The following COX7B2 variants were observed in gnomAD, a reference collection of about 807,000 sequenced individuals.
COX7B2 encodes cytochrome c oxidase subunit 7B2, mitochondrial.
For synonymous variants in COX7B2, 37 were observed against 32.1 expected, an observed-to-expected ratio of 1.15 and a Z score of -0.51; for missense variants, 109 against 95.9, an observed-to-expected ratio of 1.14 and a Z score of -0.57.
chr4:46,788,596 A>G (rs980568462), intron 2 of COX7B2, among the ~76,000 whole-genome samples: 1 of 152,212 alleles, frequency 6.6e-6, no homozygotes, highest in Non-Finnish European at 1.5e-5. Context: ...TGGTTTCACT[A>G]CAATTGATAA....
chr4:46,752,719 A>T (rs1715472989), intron 2 of COX7B2, among the ~76,000 whole-genome samples: 1 of 152,102 alleles, frequency 6.6e-6, no homozygotes, highest in Non-Finnish European at 1.5e-5. Context: ...GCTGGATTAC[A>T]ATTATTGATT....
intron 1 of COX7B2, among the ~76,000 whole-genome samples, chr4:46,891,759 A>T (rs930684583): frequency 6.6e-6 from 1 of 152,180 alleles, no homozygotes; most frequent in African/African-American, 2.4e-5. Flanking sequence ...CGGAAGATTC[A>T]GGAAAAGCTG....
intron 2 of COX7B2, among the ~76,000 whole-genome samples, chr4:46,796,255 G>A (rs1249494974): frequency 1.3e-5 from 2 of 148,562 alleles, no homozygotes; most frequent in Admixed American, 6.7e-5. Context: ...GGAGCGGTGA[G>A]AGAGGGCATC....
At chr4:46,877,932 T>G (rs1718447177) in intron 1 of COX7B2, among the ~76,000 whole-genome samples, 1 of 152,090 alleles carries the variant, frequency 6.6e-6, no homozygotes, top group Admixed American at 6.6e-5. Flanking sequence ...TGTACTCTCA[T>G]GTTCACTGCA....
intron 2 of COX7B2, among the ~76,000 whole-genome samples, chr4:46,787,461 TA>T (rs199964552): frequency 1.4e-4 from 21 of 146,612 alleles, no homozygotes; most frequent in East Asian, 4.0e-4. Context: ...TAAAAAAAAA[TA>T]AAAAAAAAAG....
chr4:46,817,266 C>G (rs1220654109), intron 2 of COX7B2, among the ~76,000 whole-genome samples: 1 of 152,148 alleles, frequency 6.6e-6, no homozygotes, highest in Non-Finnish European at 1.5e-5. Context: ...AGGCCCTCTG[C>G]TAAGTTATTT....
chr4:46,768,847 G>C (rs1349561183), intron 2 of COX7B2, among the ~76,000 whole-genome samples: 1 of 151,922 alleles, frequency 6.6e-6, no homozygotes, highest in Non-Finnish European at 1.5e-5. Context: ...ACTAAAAAGA[G>C]ACTCAAAATT....
At chr4:46,817,891 T>A (rs767486288) in intron 2 of COX7B2, among the ~76,000 whole-genome samples, 1 of 152,202 alleles carries the variant, frequency 6.6e-6, no homozygotes, top group African/African-American at 2.4e-5. Flanking sequence ...AGAACTTACT[T>A]TGTATATGAG....
chr4:46,778,833 C>T (rs548213951), intron 2 of COX7B2, among the ~76,000 whole-genome samples: 5 of 152,172 alleles, frequency 3.3e-5, no homozygotes, highest in Admixed American at 6.5e-5. Flanking sequence ...TTCAATAGTT[C>T]ATCTGCCTAG....
intron 2 of COX7B2, among the ~76,000 whole-genome samples, chr4:46,754,712 G>GTA (rs1231439934): frequency 1.1e-3 from 25 of 22,024 alleles, no homozygotes; most frequent in African/African-American, 6.3e-3. Context: ...GTGTGTGTGT[G>GTA]TGTGTGTGTG....
At position 46,735,183 on chromosome 4, in the gene COX7B2, GA is replaced by G; in HGVS notation, c.9del (p.Leu5TrpfsTer6). 6.2e-7 allele frequency: 1 copy of G among 1,613,016 alleles called. No homozygotes were observed. The highest frequency in any genetic ancestry group is 2.2e-5 in the East Asian group (1 of 44,870). MM[F>X]PLARNALSSL... Reference sequence around the variant, plus strand: ...CTGCTTAGTGCATTTCTGGCCAAGGGAAACATCATGAAGGATTGCAGTTGCC... The same window carrying G: ...CTGCTTAGTGCATTTCTGGCCAAGGGAACATCATGAAGGATTGCAGTTGCC... On this transcript the variant is annotated frameshift_variant, in exon 3 of 3. Coordinates refer to ENST00000355591, the MANE Select transcript of COX7B2 (RefSeq NM_130902.3). LOFTEE classifies it low-confidence loss of function (END_TRUNC).
chr4:46,780,256 C>T (rs1024677807), intron 2 of COX7B2, among the ~76,000 whole-genome samples: 1 of 152,198 alleles, frequency 6.6e-6, no homozygotes, highest in African/African-American at 2.4e-5. Flanking sequence ...GTGGCTCACA[C>T]CTGTAATCCC....
intron 2 of COX7B2, among the ~76,000 whole-genome samples, chr4:46,762,374 A>G (rs867915318): frequency 6.7e-4 from 86 of 127,986 alleles, no homozygotes; most frequent in African/African-American, 2.2e-3. Context: ...ATATATACAC[A>G]ATACAATATA....
chr4:46,751,138 T>TG (rs976225518), intron 2 of COX7B2, among the ~76,000 whole-genome samples: 1 of 152,022 alleles, frequency 6.6e-6, no homozygotes, highest in African/African-American at 2.4e-5. Flanking sequence ...CCCAAAGATT[T>TG]TTTTTTTAGT....
At chr4:46,744,738 A>ATTTTTTTTT in intron 2 of COX7B2, among the ~76,000 whole-genome samples, 1 of 124,666 alleles carries the variant, frequency 8.0e-6, no homozygotes, top group Non-Finnish European at 1.7e-5. Context: ...AGATATTTTA[A>ATTTTTTTTT]TTTTTTTTTT....
chr4:46,817,116 C>A (rs1719596092), intron 2 of COX7B2, among the ~76,000 whole-genome samples: 1 of 152,070 alleles, frequency 6.6e-6, no homozygotes. Flanking sequence ...TAATTTTAAG[C>A]CTCTGTTATT....
At chr4:46,767,415 C>A (rs1045257591) in intron 2 of COX7B2, among the ~76,000 whole-genome samples, 5 of 152,118 alleles carry the variant, frequency 3.3e-5, no homozygotes, top group Non-Finnish European at 7.4e-5. Context: ...CAGTAAGGAA[C>A]TTTAGTACCC....
chr4:46,885,586 T>A (rs926293099), intron 1 of COX7B2, among the ~76,000 whole-genome samples: 3 of 152,168 alleles, frequency 2.0e-5, no homozygotes, highest in Non-Finnish European at 4.4e-5. Flanking sequence ...TATACCTCCA[T>A]GTTTGATATC....
chr4:46,886,004 C>T (rs1279018472), intron 1 of COX7B2, among the ~76,000 whole-genome samples: 1 of 151,960 alleles, frequency 6.6e-6, no homozygotes, highest in Admixed American at 6.6e-5. Context: ...GCCTACAAGC[C>T]AATGATAACG....
Sources: allele counts gnomAD v4.1 joint callset (sites outside exome capture counted in the v4.1 genomes callset), GRCh38; gene constraint gnomAD v4.1.1; transcripts MANE v1.5; gene names NCBI Gene and HGNC (gene_info 2026-07-23, HGNC 2026-07-21).